Variants in NDST1 observed in about 807,000 individuals in gnomAD.
The protein encoded by NDST1 is N-deacetylase and N-sulfotransferase 1.
A neutral mutation model predicts 92.8 loss-of-function variants in NDST1; 35 were observed. That is an observed-to-expected ratio of 0.38 (90% CI 0.29 to 0.50). The LOEUF (loss-of-function observed/expected upper bound fraction) is 0.50. NDST1 is among the 20% of genes least tolerant of loss of function. The pLI is 0.94. For missense variants in NDST1, 822 were observed against 1,182.7 expected (o/e 0.69, Z 4.47); for synonymous variants, 493 against 500.3 (o/e 0.99, Z 0.19).
intron 1 of NDST1, among the ~76,000 whole-genome samples, chr5:150,517,362 A>ACT (rs1382009643): frequency 6.9e-6 from 1 of 145,676 alleles, no homozygotes; most frequent in Admixed American, 6.8e-5. Flanking sequence ...CTGGTCTTGA[A>ACT]CTCCTGGCCT....
At chr5:150,527,683 G>T in intron 2 of NDST1, 121 bp from the exon 3 acceptor site, 1 of 1,435,882 alleles carries the variant, frequency 7.0e-7, no homozygotes, top group Non-Finnish European at 9.5e-7. Context: ...AGGGTGGTGA[G>T]CCCTCCATGA....
intron 1 of NDST1, among the ~76,000 whole-genome samples, chr5:150,509,568 A>G (rs1284290187): frequency 6.6e-6 from 1 of 152,062 alleles, no homozygotes; most frequent in African/African-American, 2.4e-5. Flanking sequence ...GCTAGAGTGC[A>G]ATGGCGCCAT....
chr5:150,501,352 C>T (rs898791948), intron 1 of NDST1, among the ~76,000 whole-genome samples: 1 of 152,186 alleles, frequency 6.6e-6, no homozygotes, highest in East Asian at 1.9e-4. Context: ...TCCACATTCC[C>T]TCTGGCAGCC....
chr5:150,516,872 G>T (rs1323875181), intron 1 of NDST1, among the ~76,000 whole-genome samples: 1 of 151,908 alleles, frequency 6.6e-6, no homozygotes, highest in African/African-American at 2.4e-5. Context: ...CACCATGTTG[G>T]TCAGGCCGGT....
intron 2 of NDST1, among the ~76,000 whole-genome samples, chr5:150,525,681 G>A (rs1371741951): frequency 6.6e-6 from 1 of 152,190 alleles, no homozygotes; most frequent in Non-Finnish European, 1.5e-5. Flanking sequence ...GGGAATTAGA[G>A]GAGATGAGTG....
At chr5:150,550,619 A>T (rs920627768) in intron 13 of NDST1, 1 of 152,260 alleles carries the variant, frequency 6.6e-6, no homozygotes, top group African/African-American at 2.4e-5. Flanking sequence ...AGAAGGAGGA[A>T]TCAAGTCACC....
chr5:150,550,081 C>T (rs1755654552), intron 13 of NDST1, among the ~76,000 whole-genome samples: 1 of 151,020 alleles, frequency 6.6e-6, no homozygotes, highest in African/African-American at 2.4e-5. Context: ...AGCCCTAATT[C>T]CCACAAGATT....
intron 10 of NDST1, among the ~76,000 whole-genome samples, chr5:150,544,988 C>G (rs1755416837): frequency 6.6e-6 from 1 of 152,172 alleles, no homozygotes; most frequent in Non-Finnish European, 1.5e-5. Context: ...CCTGGAGCAG[C>G]TGAGGGGGCG....
chr5:150,533,266 C>A (rs2249136), intron 4 of NDST1, among the ~76,000 whole-genome samples: 26,854 of 152,274 alleles, frequency 0.18, 2,563 homozygotes, highest in South Asian at 0.23. Context: ...CCCTCCCTGT[C>A]CTTTCGGGCT....
chr5:150,519,460 C>T (rs1331919949), intron 1 of NDST1, among the ~76,000 whole-genome samples: 2 of 152,160 alleles, frequency 1.3e-5, no homozygotes, highest in Non-Finnish European at 2.9e-5. Context: ...ATAATCCCAG[C>T]ACTTTGGGAG....
At chr5:150,544,075 C>T (rs1418370895) in intron 10 of NDST1, among the ~76,000 whole-genome samples, 1 of 152,224 alleles carries the variant, frequency 6.6e-6, no homozygotes, top group Non-Finnish European at 1.5e-5. Context: ...CTGCGCCCGG[C>T]CCATCTACCT....
Position 150,553,379 on chromosome 5 carries a change from C to G in NDST1, c.*47C>G, listed in dbSNP as rs202243367. 1.9e-5 allele frequency: 30 copies of G among 1,603,882 alleles called. No homozygotes were observed. The East Asian group carries it at 2.3e-4, about 12-fold the overall frequency. ...TGAACGTTTGTGAAAGCTGGGACAT[C>G]CCACCACACGCTGAGCCAGACCTGC... On this transcript the variant is annotated 3_prime_UTR_variant, in exon 15 of 15. Transcript: ENST00000261797. The surrounding 1 kb of genome is among the most constrained non-coding windows in gnomAD (Gnocchi z 4.2).
chr5:150,530,077 G>A (rs1382593464), intron 3 of NDST1, among the ~76,000 whole-genome samples: 1 of 152,284 alleles, frequency 6.6e-6, no homozygotes, highest in Non-Finnish European at 1.5e-5. Flanking sequence ...GATGAAATGG[G>A]GTGAATGGGA....
rs1411693425 is a variant in NDST1, at chr5:150,554,427, G to A, written c.*1095G>A. ...TTTTAATTCAGTCCTACAAAATGGT[G>A]GTAAGCCCCAGTCTCAGGGGTCACC... is the stretch of plus-strand genomic sequence containing the variant. On this transcript the variant is annotated 3_prime_UTR_variant, in exon 15 of 15. Coordinates refer to ENST00000261797, the MANE Select transcript of NDST1 (RefSeq NM_001543.5). The A allele has an allele frequency of 6.6e-6, 1 of 151,746 alleles. No homozygotes were observed. Among genetic ancestry groups the A allele is most frequent in the East Asian group, 1.9e-4 (1 of 5,174 alleles). 9.4% of individuals were successfully genotyped at this position (151,746 alleles called of 1,614,324 possible). A position where few individuals can be genotyped will look rare whatever the true frequency, so the allele number is the denominator to read the frequency against.
chr5:150,552,190 G>A (rs1045133534), intron 14 of NDST1, among the ~76,000 whole-genome samples: 11 of 152,228 alleles, frequency 7.2e-5, no homozygotes, highest in South Asian at 2.1e-4. Flanking sequence ...AGAGTGCTGC[G>A]CGCAGTCAGA....
At chr5:150,534,125 C>G (rs1477675189) in intron 4 of NDST1, among the ~76,000 whole-genome samples, 3 of 150,546 alleles carry the variant, frequency 2.0e-5, no homozygotes, top group Non-Finnish European at 1.5e-5. Context: ...GAGACGGGAC[C>G]TCTCTCTGTC....
intron 13 of NDST1, among the ~76,000 whole-genome samples, chr5:150,550,255 C>T (rs955793157): frequency 2.0e-5 from 3 of 152,098 alleles, no homozygotes; most frequent in African/African-American, 7.2e-5. Context: ...ACATGTGCCA[C>T]CATGCCTGGC....
intron 2 of NDST1, among the ~76,000 whole-genome samples, chr5:150,525,244 T>C (rs1219293954): frequency 6.6e-6 from 1 of 152,206 alleles, no homozygotes; most frequent in Non-Finnish European, 1.5e-5. Context: ...GCCTGGTTCA[T>C]TTCATTGCCA....
chr5:150,542,589 C>T (rs903644045), intron 9 of NDST1, among the ~76,000 whole-genome samples: 4 of 152,176 alleles, frequency 2.6e-5, no homozygotes, highest in Non-Finnish European at 5.9e-5. Flanking sequence ...GCCACGTCCT[C>T]GTTTAGTGAA....
Sources: allele counts gnomAD v4.1 joint callset (sites outside exome capture counted in the v4.1 genomes callset), GRCh38; gene constraint gnomAD v4.1.1; non-coding constraint Gnocchi (gnomAD v3.1); transcripts MANE v1.5; gene names NCBI Gene and HGNC (gene_info 2026-07-23, HGNC 2026-07-21).